SYN3: variants seen among roughly 807,000 people sequenced by gnomAD.
SYN3 encodes synapsin III.
A neutral mutation model predicts 65.8 loss-of-function variants in SYN3; 35 were observed. The ratio of observed to expected loss-of-function variants is 0.53; its 90% CI spans 0.41 to 0.70. The LOEUF is 0.70. SYN3 is among the 30% of genes least tolerant of loss of function. The pLI, the probability that SYN3 is intolerant of heterozygous loss-of-function variation, is 0.00. For synonymous variants in SYN3, 270 were observed against 292.9 expected, an observed-to-expected ratio of 0.92 and a Z score of 0.80; for missense variants, 680 against 749.0, an observed-to-expected ratio of 0.91 and a Z score of 1.08.
chr22:32,549,724 CTCAG>C (rs2058384102), intron 7 of SYN3, among the ~76,000 whole-genome samples: 1 of 152,106 alleles, frequency 6.6e-6, no homozygotes, highest in South Asian at 2.1e-4. Flanking sequence ...CATAGTGAAA[CTCAG>C]TCTCTAGTAA....
chr22:32,893,406 G>T (rs1457387573), intron 4 of SYN3, among the ~76,000 whole-genome samples: 1 of 152,224 alleles, frequency 6.6e-6, no homozygotes, highest in Non-Finnish European at 1.5e-5. Context: ...AAGGAAAATG[G>T]TGAGGACACC....
chr22:32,616,447 A>C (rs994127301), intron 6 of SYN3, among the ~76,000 whole-genome samples: 1 of 152,190 alleles, frequency 6.6e-6, no homozygotes, highest in African/African-American at 2.4e-5. Context: ...ACAATTGTTC[A>C]GTGTCTCCTT....
intron 6 of SYN3, chr22:32,857,366 G>T: frequency 4.3e-6 from 7 of 1,610,022 alleles, no homozygotes; most frequent in Non-Finnish European, 6.0e-6. Context: ...GACAGGTAAT[G>T]GCCAACTCTA....
intron 4 of SYN3, among the ~76,000 whole-genome samples, chr22:32,880,637 T>C (rs990612008): frequency 6.6e-6 from 1 of 152,134 alleles, no homozygotes; most frequent in Admixed American, 6.5e-5. Flanking sequence ...CCATGACACC[T>C]GGAGCCGCTG....
At chr22:32,757,062 G>GA (rs1241493748) in intron 6 of SYN3, among the ~76,000 whole-genome samples, 2 of 150,814 alleles carry the variant, frequency 1.3e-5, no homozygotes, top group Non-Finnish European at 3.0e-5. Flanking sequence ...TTTTTTGAGG[G>GA]GGGGTGGTTT....
At chr22:32,881,060 CG>C in intron 4 of SYN3, among the ~76,000 whole-genome samples, 1 of 152,194 alleles carries the variant, frequency 6.6e-6, no homozygotes, top group South Asian at 2.1e-4. Flanking sequence ...TGAGCTCCAG[CG>C]CTGTCAGCAG....
intron 6 of SYN3, among the ~76,000 whole-genome samples, chr22:32,670,772 G>T (rs1956279725): frequency 6.6e-6 from 1 of 152,224 alleles, no homozygotes; most frequent in African/African-American, 2.4e-5. Flanking sequence ...GCAGAATGTG[G>T]CTATGTGGAT....
intron 6 of SYN3, among the ~76,000 whole-genome samples, chr22:32,685,247 C>T (rs2060574582): frequency 6.6e-6 from 1 of 152,112 alleles, no homozygotes; most frequent in Non-Finnish European, 1.5e-5. Flanking sequence ...CAGGTGATTC[C>T]TATATCCCTA....
At chr22:32,699,208 C>T (rs115923060) in intron 6 of SYN3, among the ~76,000 whole-genome samples, 2 of 152,184 alleles carry the variant, frequency 1.3e-5, no homozygotes, top group African/African-American at 2.4e-5. Flanking sequence ...AGTGCCCCCA[C>T]CATGGAGTAC....
intron 6 of SYN3, among the ~76,000 whole-genome samples, chr22:32,607,908 G>A (rs922055185): frequency 6.6e-6 from 1 of 152,156 alleles, no homozygotes; most frequent in Non-Finnish European, 1.5e-5. Context: ...TAAATGACGG[G>A]GAAGCGAAGA....
intron 1 of SYN3, among the ~76,000 whole-genome samples, chr22:33,027,917 A>AT (rs886249664): frequency 2.6e-5 from 4 of 152,222 alleles, no homozygotes; most frequent in Admixed American, 2.0e-4. Context: ...GGTTCATTTC[A>AT]TCCTCATAAC....
At chr22:32,935,362 C>T (rs73405286) in intron 3 of SYN3, among the ~76,000 whole-genome samples, 1,738 of 151,806 alleles carry the variant, frequency 0.011, 44 homozygotes, top group African/African-American at 0.04. Context: ...TCGCAAAAAA[C>T]GCTACTATCA....
chr22:32,750,622 T>A (rs1172453584), intron 6 of SYN3, among the ~76,000 whole-genome samples: 3 of 151,714 alleles, frequency 2.0e-5, no homozygotes, highest in Admixed American at 2.0e-4. Flanking sequence ...TGCAGTGTCA[T>A]CCTGCTCTGC....
intron 3 of SYN3, among the ~76,000 whole-genome samples, chr22:32,950,887 T>C (rs185178250): frequency 2.2e-4 from 34 of 152,044 alleles, no homozygotes; most frequent in African/African-American, 8.0e-4. Context: ...GTAGCAGGGG[T>C]GGTGCTGGTG....
At chr22:32,803,977 C>T (rs1011612997) in intron 6 of SYN3, among the ~76,000 whole-genome samples, 4 of 152,096 alleles carry the variant, frequency 2.6e-5, no homozygotes, top group South Asian at 2.1e-4. Flanking sequence ...GGGGCCTTCC[C>T]GTCTGCTTAC....
At chr22:32,560,757 A>G (rs2058575291) in intron 7 of SYN3, among the ~76,000 whole-genome samples, 1 of 152,140 alleles carries the variant, frequency 6.6e-6, no homozygotes, top group Non-Finnish European at 1.5e-5. Flanking sequence ...GGATCACATG[A>G]TCTGACTTAT....
chr22:32,948,463 G>A (rs191188463), intron 3 of SYN3, among the ~76,000 whole-genome samples: 55 of 152,228 alleles, frequency 3.6e-4, no homozygotes, highest in African/African-American at 1.3e-3. Flanking sequence ...TGGGCCAGGC[G>A]CGGTGGCTCA....
chr22:32,634,539 C>T lies in SYN3; in HGVS notation c.712-37803G>A, dbSNP rs183414907. ...TGCATATCTGACCAGGGCACTCTAA[C>T]TCAAAATCACTAGACAGCTCGGCAC... On this transcript the variant is annotated intron_variant, in intron 6 of 13. Coordinates refer to ENST00000358763, the MANE Select transcript of SYN3 (RefSeq NM_003490.4). Among the ~76,000 whole-genome samples the T allele has an allele frequency of 1.9e-4, 29 of 152,338 alleles. No homozygotes were observed. The East Asian group carries it at 5.2e-3, about 27-fold the overall frequency.
intron 6 of SYN3, among the ~76,000 whole-genome samples, chr22:32,796,692 G>A (rs2046435375): frequency 6.6e-6 from 1 of 152,138 alleles, no homozygotes; most frequent in Non-Finnish European, 1.5e-5. Flanking sequence ...CTTTCACATG[G>A]ACGGTGGGGC....
Sources: gnomAD v4.1 joint callset for allele counts (sites outside exome capture counted in the v4.1 genomes callset) on GRCh38, gnomAD v4.1.1 for gene constraint, MANE v1.5 for transcripts, NCBI Gene and HGNC (gene_info 2026-07-23, HGNC 2026-07-21) for gene names.